The following UGT1A10 variants were observed in gnomAD, a reference collection of about 807,000 sequenced individuals.
UGT1A10 encodes the protein UDP-glucuronosyltransferase 1A10.
A neutral mutation model predicts 45.8 loss-of-function variants in UGT1A10; 49 were observed. The ratio of observed to expected loss-of-function variants is 1.07; its 90% confidence interval spans 0.85 to 1.36. UGT1A10 has a LOEUF of 1.36. Among genes scored for constraint, UGT1A10 ranks in the 40% most tolerant of loss-of-function variants. UGT1A10 has a pLI of 0.00. For missense variants in UGT1A10, 745 were observed against 668.6 expected (o/e 1.11, Z -1.26); for synonymous variants, 284 against 249.7 (o/e 1.14, Z -1.29).
At chr2:233,696,147 G>T (rs933001252) in intron 1 of UGT1A10, among the ~76,000 whole-genome samples, 1 of 152,112 alleles carries the variant, frequency 6.6e-6, no homozygotes, top group Non-Finnish European at 1.5e-5. Context: ...CCATTGCTGG[G>T]TATATATCCA....
intron 1 of UGT1A10, among the ~76,000 whole-genome samples, chr2:233,674,607 A>C (rs1212988106): frequency 6.6e-6 from 1 of 151,964 alleles, no homozygotes; most frequent in African/African-American, 2.4e-5. Context: ...AATATGAAAC[A>C]TCAAACTATA....
At chr2:233,643,517 C>T (rs2073515493) in intron 1 of UGT1A10, among the ~76,000 whole-genome samples, 1 of 152,080 alleles carries the variant, frequency 6.6e-6, no homozygotes, top group Non-Finnish European at 1.5e-5. Context: ...TCAGGGACCC[C>T]AAAAGCCCTC....
At chr2:233,668,465 T>C (rs1167906604) in intron 1 of UGT1A10, among the ~76,000 whole-genome samples, 1 of 152,234 alleles carries the variant, frequency 6.6e-6, no homozygotes, top group Admixed American at 6.5e-5. Flanking sequence ...CTGATGGACA[T>C]TTGGGTTGCT....
chr2:233,740,352 A>G (rs2125828871), intron 1 of UGT1A10, among the ~76,000 whole-genome samples: 1 of 152,070 alleles, frequency 6.6e-6, no homozygotes, highest in South Asian at 2.1e-4. Flanking sequence ...AGAAAGTGGA[A>G]TTAGAAATTC....
At chr2:233,695,130 C>CTTTCTTTTTTTTTTTTTTTTTTTT (rs1364557158) in intron 1 of UGT1A10, among the ~76,000 whole-genome samples, 2 of 138,840 alleles carry the variant, frequency 1.4e-5, no homozygotes, top group Middle Eastern at 3.4e-3. Flanking sequence ...CTTTTCTTTT[C>CTTTCTTTTTTTTTTTTTTTTTTTT]TTTTTTTTTT....
At chr2:233,688,306 C>T (rs1324577706) in intron 1 of UGT1A10, among the ~76,000 whole-genome samples, 1 of 152,124 alleles carries the variant, frequency 6.6e-6, no homozygotes, top group Non-Finnish European at 1.5e-5. Context: ...TTTATCCATT[C>T]ATCAGTTGGT....
At chr2:233,674,309 A>G (rs983247103) in intron 1 of UGT1A10, among the ~76,000 whole-genome samples, 2 of 152,182 alleles carry the variant, frequency 1.3e-5, no homozygotes, top group African/African-American at 4.8e-5. Context: ...TCGGATCTTC[A>G]CAAGACTAGG....
intron 1 of UGT1A10, among the ~76,000 whole-genome samples, chr2:233,724,278 G>C (rs1355966734): frequency 3.9e-5 from 5 of 129,306 alleles, no homozygotes; most frequent in East Asian, 2.5e-4. Flanking sequence ...GCGGCTGGCC[G>C]GGCGGGGGGC....
At chr2:233,708,581 T>C (rs2076023977) in intron 1 of UGT1A10, 1 of 152,154 alleles carries the variant, frequency 6.6e-6, no homozygotes, top group Non-Finnish European at 1.5e-5. Context: ...GTGAGATTCC[T>C]TCACTACAGA....
At chr2:233,691,288 T>A in intron 1 of UGT1A10, 1 of 985,466 alleles carries the variant, frequency 1.0e-6, no homozygotes, top group East Asian at 1.1e-4. Flanking sequence ...TTGATCATTG[T>A]AAGCTGCCAA....
intron 1 of UGT1A10, chr2:233,682,523 GGGT>G (rs774986893): frequency 1.2e-6 from 2 of 1,613,852 alleles, no homozygotes; most frequent in Middle Eastern, 1.7e-4. Flanking sequence ...ACTTCTCTTA[GGGT>G]TCTCAGACGC....
intron 1 of UGT1A10, chr2:233,747,082 G>A (rs1458761598): frequency 2.6e-6 from 3 of 1,146,350 alleles, no homozygotes; most frequent in Non-Finnish European, 3.6e-6. Flanking sequence ...TTAACTAGGA[G>A]GAGAGCACTC....
At chr2:233,762,567 G>A (rs1279617671) in intron 1 of UGT1A10, among the ~76,000 whole-genome samples, 2 of 152,176 alleles carry the variant, frequency 1.3e-5, no homozygotes, top group Non-Finnish European at 2.9e-5. Flanking sequence ...ATCTAGTCTA[G>A]TTCCCCACAG....
Position 233,691,503 on chromosome 2 carries a change from C to T in UGT1A10, c.855+54126C>T, listed in dbSNP as rs1435910007. Reference sequence around the variant, plus strand: ...ACTTGTGGGTGGGAACAGGAACTCGCGTGCCAGCCAGGTGTGCATGACTAG... The same window carrying T: ...ACTTGTGGGTGGGAACAGGAACTCGTGTGCCAGCCAGGTGTGCATGACTAG... On this transcript the variant is annotated intron_variant, in intron 1 of 4. Transcript: ENST00000344644. 2.1e-5 allele frequency: 21 copies of T among 985,612 alleles called. No individual in the cohort carries two copies. The South Asian group carries it at 3.8e-4, about 18-fold the overall frequency. The allele number at this position is 985,612 out of a possible 1,614,324, so 61.1% of individuals were successfully genotyped here. A position where few individuals can be genotyped will look rare whatever the true frequency, so the allele number is the denominator to read the frequency against.
At chr2:233,721,832 G>A (rs935086568) in intron 1 of UGT1A10, 5 of 515,852 alleles carry the variant, frequency 9.7e-6, no homozygotes, top group Admixed American at 3.9e-5. Flanking sequence ...TTGGGCCACC[G>A]ACCTTGTGTC....
intron 1 of UGT1A10, among the ~76,000 whole-genome samples, chr2:233,745,926 AAGGG>A (rs1399819653): frequency 2.0e-5 from 3 of 151,524 alleles, no homozygotes; most frequent in East Asian, 3.9e-4. Context: ...AGTGATTCAG[AAGGG>A]ACAGCTGGGG....
intron 1 of UGT1A10, among the ~76,000 whole-genome samples, chr2:233,710,292 T>A (rs754127967): frequency 6.6e-6 from 1 of 152,204 alleles, no homozygotes. Context: ...AAAGTGGGAT[T>A]GTTGGGTTGC....
chr2:233,694,156 TCAAA>T (rs2075202894), intron 1 of UGT1A10, among the ~76,000 whole-genome samples: 1 of 152,126 alleles, frequency 6.6e-6, no homozygotes, highest in Non-Finnish European at 1.5e-5. Context: ...ATGTCCCAGT[TCAAA>T]CAGAGGTGAA....
chr2:233,672,653 C>G (rs561534651), intron 1 of UGT1A10: 2 of 1,613,786 alleles, frequency 1.2e-6, no homozygotes, highest in African/African-American at 2.7e-5. Context: ...ACACCTGTTA[C>G]GGAGTATGAT....
Sources: allele counts gnomAD v4.1 joint callset (sites outside exome capture counted in the v4.1 genomes callset), GRCh38; gene constraint gnomAD v4.1.1; transcripts MANE v1.5; gene names NCBI Gene and HGNC (gene_info 2026-07-23, HGNC 2026-07-21).